SHISA9: variants seen among roughly 807,000 people sequenced by gnomAD.
SHISA9 encodes the protein shisa family member 9, also known as protein shisa-9.
SHISA9 carries 13 observed loss-of-function variants against 38.0 expected under a neutral mutation model. That is an observed-to-expected ratio of 0.34 (90% CI 0.22 to 0.54). The LOEUF (loss-of-function observed/expected upper bound fraction) is 0.54, where lower values mean the gene tolerates loss of function less well. Ranked by LOEUF, SHISA9 falls within the 20% of genes least tolerant of loss-of-function variation. The probability of loss-of-function intolerance (pLI) is 0.91; values close to 1 mark genes in which losing one functional copy is unlikely to be tolerated. For missense variants in SHISA9, 538 were observed against 575.8 expected (o/e 0.93, Z 0.67); for synonymous variants, 275 against 242.0 (o/e 1.14, Z -1.27).
At chr16:13,279,087 C>A in the SHISA9 span, among the ~76,000 whole-genome samples, 3 of 151,702 alleles carry the variant, frequency 2.0e-5, no homozygotes, top group Non-Finnish European at 4.4e-5. Context: ...TGCTGTATCC[C>A]AGAGGGTTTG....
At chr16:13,020,922 C>T (rs1567184685) in intron 2 of SHISA9, among the ~76,000 whole-genome samples, 1 of 152,196 alleles carries the variant, frequency 6.6e-6, no homozygotes, top group Non-Finnish European at 1.5e-5. Flanking sequence ...GGATTCTTAG[C>T]TGTGACCACA....
chr16:13,188,855 A>G (rs2050855447), intron 2 of SHISA9, among the ~76,000 whole-genome samples: 3 of 144,460 alleles, frequency 2.1e-5, no homozygotes, highest in African/African-American at 7.9e-5. Context: ...CAGTACCCCC[A>G]GAATGTGACT....
At chr16:13,257,963 A>T in the SHISA9 span, among the ~76,000 whole-genome samples, 3 of 152,224 alleles carry the variant, frequency 2.0e-5, no homozygotes, top group African/African-American at 7.2e-5. Flanking sequence ...CATCATGACC[A>T]GACTTCTCAG....
the SHISA9 span, among the ~76,000 whole-genome samples, chr16:13,398,754 CA>C: frequency 6.6e-6 from 1 of 151,918 alleles, no homozygotes; most frequent in Non-Finnish European, 1.5e-5. Context: ...TCAGGTGATC[CA>C]CACGCCTTTG....
At chr16:13,156,473 G>A (rs1033274945) in intron 2 of SHISA9, among the ~76,000 whole-genome samples, 11 of 152,130 alleles carry the variant, frequency 7.2e-5, no homozygotes, top group African/African-American at 2.7e-4. Context: ...GGTGGCTCAC[G>A]CCTGTAATCC....
chr16:13,242,067 C>G (rs568698308), downstream of SHISA9, among the ~76,000 whole-genome samples: 20 of 152,346 alleles, frequency 1.3e-4, no homozygotes, highest in South Asian at 1.0e-3. Context: ...TAAAGACCTT[C>G]TATGCATTGC....
At chr16:13,430,558 T>C in the SHISA9 span, among the ~76,000 whole-genome samples, 1 of 152,154 alleles carries the variant, frequency 6.6e-6, no homozygotes, top group African/African-American at 2.4e-5. Flanking sequence ...ACATTACATC[T>C]GATGAAAGAA....
chr16:12,954,666 C>T lies in SHISA9; in HGVS notation c.691+37851C>T, dbSNP rs1400507088. 2.6e-5 allele frequency among the ~76,000 whole-genome samples: 4 copies of T among 152,026 alleles called. No homozygotes were observed. In the East Asian group the frequency reaches 5.8e-4, roughly 22 times the overall value. On this transcript the variant is annotated intron_variant, in intron 2 of 4. Coordinates refer to ENST00000558583, the MANE Select transcript of SHISA9 (RefSeq NM_001145204.3). ...ATTTTATGCTATTTTATATTTTTAC[C>T]TTATTTAATCCTAAAATATATTCTG...
chr16:12,948,682 G>C lies in SHISA9; in HGVS notation c.691+31867G>C, dbSNP rs75211995. ...TCTGTCTCATACAGGCATTAATCCT[G>C]TTCACAAGGGCTCTACCCTCATGAG... On this transcript the variant is annotated intron_variant, in intron 2 of 4. Coordinates refer to ENST00000558583, the MANE Select transcript of SHISA9 (RefSeq NM_001145204.3). Among the ~76,000 whole-genome samples the C allele has an allele frequency of 8.4e-4, 128 of 152,230 alleles. No individual in the cohort carries two copies. In the East Asian group the frequency reaches 0.017, roughly 20 times the overall value.
chr16:13,151,516 T>C (rs1362252166), intron 2 of SHISA9, among the ~76,000 whole-genome samples: 1 of 152,164 alleles, frequency 6.6e-6, no homozygotes, highest in Non-Finnish European at 1.5e-5. Flanking sequence ...GTAGGCTTAT[T>C]ACTTCACCTG....
rs2051407603 is a variant in SHISA9 at position 13,238,607 on chromosome 16, C to T, written c.*3198C>T. ...GGGTCTGCAGTTGTAATTTTGGCAG[C>T]AAAGGTGCAGACTGGTCATTAAGAT... On this transcript the variant is annotated 3_prime_UTR_variant, in exon 5 of 5. Coordinates refer to ENST00000558583, the MANE Select transcript of SHISA9 (RefSeq NM_001145204.3). 6.6e-6 allele frequency: 1 copy of T among 152,004 alleles called. No homozygotes were observed. Among genetic ancestry groups the T allele is most frequent in the South Asian group, 2.1e-4 (1 of 4,804 alleles). 9.4% of individuals were successfully genotyped at this position (152,004 alleles called of 1,614,324 possible).
chr16:13,542,355 A>C, the SHISA9 span, among the ~76,000 whole-genome samples: 3 of 152,212 alleles, frequency 2.0e-5, no homozygotes, highest in Non-Finnish European at 2.9e-5. Context: ...CTCACCATGC[A>C]CCAGGCACTG....
chr16:13,200,313 A>G (rs990573140), intron 2 of SHISA9, among the ~76,000 whole-genome samples: 1 of 151,932 alleles, frequency 6.6e-6, no homozygotes, highest in African/African-American at 2.4e-5. Context: ...TGAGCTGCCA[A>G]TCACGGTAAC....
At chr16:13,247,752 C>T in the SHISA9 span, among the ~76,000 whole-genome samples, 1 of 152,140 alleles carries the variant, frequency 6.6e-6, no homozygotes, top group Non-Finnish European at 1.5e-5. Context: ...ATAATTTTGT[C>T]ACATCCTCTT....
Position 13,235,293 on chromosome 16 carries a change from G to A in SHISA9, c.1159G>A (p.Gly387Ser). 6.4e-7 allele frequency: 1 copy of A among 1,551,200 alleles called. No homozygotes were observed. ...SLRRQAYSNK[G>S]KLGTAETGSS... is the part of the protein sequence containing the mutation. ...CCGGCGGCAGGCTTACAGCAACAAGGGCAAGCTTGGCACGGCCGAGACAGG... is the reference window on the plus strand; with the variant it reads ...CCGGCGGCAGGCTTACAGCAACAAGAGCAAGCTTGGCACGGCCGAGACAGG... Residue 387 changes from glycine (G) to serine (S), a missense_variant, in exon 5 of 5, where the codon GGC becomes AGC. This residue lies in a region of SHISA9 where 326 missense variants were observed against 305.9 expected (regional missense o/e 1.07). Coordinates refer to ENST00000558583, the MANE Select transcript of SHISA9 (RefSeq NM_001145204.3).
intron 2 of SHISA9, among the ~76,000 whole-genome samples, chr16:13,060,666 C>G (rs1327563962): frequency 5.2e-5 from 7 of 134,988 alleles, no homozygotes; most frequent in African/African-American, 1.9e-4. Flanking sequence ...AAAAAACACT[C>G]AAAATACAGG....
chr16:13,116,599 T>G (rs1282842428), intron 2 of SHISA9, among the ~76,000 whole-genome samples: 2 of 152,204 alleles, frequency 1.3e-5, no homozygotes, highest in African/African-American at 4.8e-5. Flanking sequence ...TCTAGAAAAC[T>G]GTGCATTTGA....
chr16:13,281,348 C>G, the SHISA9 span, among the ~76,000 whole-genome samples: 44 of 151,792 alleles, frequency 2.9e-4, no homozygotes, highest in Admixed American at 5.3e-4. Flanking sequence ...CTTGTGCTTA[C>G]TGTTTGCATA....
chr16:13,495,378 C>G, the SHISA9 span, among the ~76,000 whole-genome samples: 1 of 151,912 alleles, frequency 6.6e-6, no homozygotes, highest in Non-Finnish European at 1.5e-5. Flanking sequence ...GTCGTATTTT[C>G]GCAATTTCCT....
Sources: allele counts gnomAD v4.1 joint callset (sites outside exome capture counted in the v4.1 genomes callset), GRCh38; gene constraint gnomAD v4.1.1; regional missense constraint gnomAD v4.1.1; transcripts MANE v1.5; gene names NCBI Gene and HGNC (gene_info 2026-07-23, HGNC 2026-07-21).